The following ATP10D variants were observed in gnomAD, a reference collection of about 807,000 sequenced individuals.
The protein encoded by ATP10D is ATPase phospholipid transporting 10D (putative), also known as phospholipid-transporting ATPase VD.
A neutral mutation model predicts 144.8 loss-of-function variants in ATP10D; 89 were observed. The ratio of observed to expected loss-of-function variants is 0.61; its 90% CI spans 0.52 to 0.73. The LOEUF (loss-of-function observed/expected upper bound fraction) is 0.73, where lower values mean the gene tolerates loss of function less well. Among genes scored for constraint, ATP10D ranks in the 30% least tolerant of loss-of-function variants. The pLI is 0.00. For synonymous variants in ATP10D, 571 were observed against 615.1 expected (o/e 0.93, Z 1.06); for missense variants, 1,603 against 1,714.8 (o/e 0.93, Z 1.15).
intron 1 of ATP10D, among the ~76,000 whole-genome samples, chr4:47,497,192 A>G (rs1304286376): frequency 6.6e-6 from 1 of 151,762 alleles, no homozygotes; most frequent in Non-Finnish European, 1.5e-5. Context: ...ATGGTGGCTC[A>G]TGCCTGTAAT....
intron 10 of ATP10D, among the ~76,000 whole-genome samples, chr4:47,548,221 G>T (rs1459367111): frequency 6.6e-6 from 1 of 152,054 alleles, no homozygotes; most frequent in Admixed American, 6.6e-5. Context: ...TGGAACAAAT[G>T]ATTGGTTATT....
intron 1 of ATP10D, among the ~76,000 whole-genome samples, chr4:47,497,708 A>G (rs572614117): frequency 1.3e-5 from 2 of 152,372 alleles, no homozygotes; most frequent in South Asian, 2.1e-4. Context: ...TTTAGGAATT[A>G]ATAAAAGCCT....
At chr4:47,565,141 TA>T (rs1334583362) in intron 15 of ATP10D, among the ~76,000 whole-genome samples, 4 of 152,154 alleles carry the variant, frequency 2.6e-5, no homozygotes, top group Non-Finnish European at 5.9e-5. Flanking sequence ...TGTGTATTTT[TA>T]GTAGAGACGG....
intron 18 of ATP10D, among the ~76,000 whole-genome samples, chr4:47,575,637 A>T (rs958998279): frequency 6.6e-6 from 1 of 152,150 alleles, no homozygotes; most frequent in Non-Finnish European, 1.5e-5. Context: ...CTAGTGTTGA[A>T]TCCTTCAGTT....
intron 19 of ATP10D, among the ~76,000 whole-genome samples, chr4:47,579,899 C>G (rs1053353230): frequency 1.3e-5 from 2 of 151,978 alleles, no homozygotes; most frequent in Admixed American, 6.6e-5. Flanking sequence ...AGCAAGCTGC[C>G]TTTTTTTTCT....
intron 19 of ATP10D, among the ~76,000 whole-genome samples, chr4:47,577,724 A>G (rs1354491960): frequency 1.3e-5 from 2 of 152,350 alleles, no homozygotes; most frequent in Middle Eastern, 3.4e-3. Flanking sequence ...ACCTAGAACA[A>G]CCAACAGAGA....
At chr4:47,572,391 T>A (rs912769733) in intron 17 of ATP10D, among the ~76,000 whole-genome samples, 161 bp downstream of exon 17, 3 of 151,940 alleles carry the variant, frequency 2.0e-5, no homozygotes, top group African/African-American at 7.3e-5. Context: ...TTTTTTTTAC[T>A]AGGTGAGTAT....
chr4:47,557,771 T>G lies in ATP10D; in HGVS notation c.1932T>G (p.Ser644Arg), dbSNP rs1451571014. The G allele has an allele frequency of 6.2e-7, 1 of 1,614,198 alleles. No individual in the cohort carries two copies. Among genetic ancestry groups the G allele is most frequent in the Non-Finnish European group, 8.5e-7 (1 of 1,180,046 alleles). ...GATCAAGTTCTCCATCGCTTAACAG[T>G]GGGAAAGAGCCATCTTCTGGAGTTC... The part of the protein sequence containing the change: ...VRRSSSPSLN[S>R]GKEPSSGVPN... Residue 644 changes from serine to arginine, a missense_variant, in exon 12 of 23, where the codon AGT becomes AGG. By Grantham distance (110) the Ser-to-Arg change is moderately radical. Transcript: ENST00000273859.
chr4:47,582,852 T>A (rs1020497051), intron 21 of ATP10D: 1 of 152,248 alleles, frequency 6.6e-6, no homozygotes, highest in Non-Finnish European at 1.5e-5. Flanking sequence ...ATTTATTTAA[T>A]TATGTGATTA....
intron 1 of ATP10D, among the ~76,000 whole-genome samples, chr4:47,504,222 T>C (rs1025676204): frequency 6.6e-6 from 1 of 152,246 alleles, no homozygotes; most frequent in Non-Finnish European, 1.5e-5. Context: ...ATATTAGATA[T>C]ATCCATAGAC....
chr4:47,573,719 A>C (rs886504542), intron 18 of ATP10D, among the ~76,000 whole-genome samples: 9 of 152,270 alleles, frequency 5.9e-5, no homozygotes, highest in East Asian at 3.9e-4. Flanking sequence ...TTTAGGCCAA[A>C]TTCACTCTTA....
chr4:47,584,617 C>T (rs1055697529), intron 21 of ATP10D, among the ~76,000 whole-genome samples: 8 of 152,066 alleles, frequency 5.3e-5, no homozygotes, highest in Non-Finnish European at 7.4e-5. Flanking sequence ...AGGATGGTCT[C>T]GATCTCCTGG....
chr4:47,569,451 A>C (rs537923433), intron 16 of ATP10D, among the ~76,000 whole-genome samples: 1 of 152,334 alleles, frequency 6.6e-6, no homozygotes, highest in African/African-American at 2.4e-5. Flanking sequence ...ACAGAACTGA[A>C]AAATCCATGT....
chr4:47,546,692 T>C lies in ATP10D; in HGVS notation c.1465T>C (p.Ser489Pro). 1 of 1,614,064 alleles carries C rather than the reference T, an allele frequency of 6.2e-7. No homozygotes were observed. The highest frequency in any genetic ancestry group is 8.5e-7 in the Non-Finnish European group (1 of 1,179,968). The change falls in exon 10 of 23, where the codon TCC (serine) becomes CCC (proline). Residue 489 changes from serine (S) to proline (P), a missense_variant. Transcript: ENST00000273859. The part of the protein sequence containing the change: ...DEDFIDTVSG[S>P]LSNMAKPRAP... ...AGATTTTATAGACACAGTCAGTGGT[T>C]CCCTCAGCAATATGGCAAAACCGAG...
At chr4:47,536,648 C>G in intron 8 of ATP10D, 38 bp from the exon 9 acceptor site, 2 of 1,595,826 alleles carry the variant, frequency 1.3e-6, no homozygotes, top group Non-Finnish European at 1.7e-6. Flanking sequence ...CTTTTTTAAC[C>G]TACGTTAACA....
chr4:47,549,655 T>C (rs916679218), intron 10 of ATP10D, among the ~76,000 whole-genome samples: 3 of 152,224 alleles, frequency 2.0e-5, no homozygotes, highest in African/African-American at 7.2e-5. Flanking sequence ...AATGAATAAT[T>C]ATAAACCTGT....
intron 19 of ATP10D, 21 bp downstream of exon 19, chr4:47,576,994 G>A: frequency 6.2e-7 from 1 of 1,609,124 alleles, no homozygotes. Context: ...AAGCAAGAGT[G>A]CTTGGATGGA....
chr4:47,531,917 C>G lies in ATP10D; in HGVS notation c.777-3592C>G, dbSNP rs375947280. On this transcript the variant is annotated intron_variant, in intron 5 of 22. Transcript: ENST00000273859. ...GGAGAGAACAGGAAGGAACTCTAGT[C>G]TACACTCTGTGGTCTGGAGCATATA... Among the ~76,000 whole-genome samples, 33 of 152,298 alleles carry G rather than the reference C, an allele frequency of 2.2e-4. No individual in the cohort carries two copies. The East Asian group carries it at 6.4e-3, about 29-fold the overall frequency.
At chr4:47,491,273 T>G in intron 1 of ATP10D, 1 of 889,452 alleles carries the variant, frequency 1.1e-6, no homozygotes, top group Non-Finnish European at 1.9e-6. Flanking sequence ...CTTTGTAGAC[T>G]CTTCCAGTTT....
Sources: allele counts gnomAD v4.1 joint callset (sites outside exome capture counted in the v4.1 genomes callset), GRCh38; gene constraint gnomAD v4.1.1; transcripts MANE v1.5; gene names NCBI Gene and HGNC (gene_info 2026-07-23, HGNC 2026-07-21).